Variants in CFAP44 observed in about 807,000 individuals in gnomAD.
The protein encoded by CFAP44 is cilia- and flagella-associated protein 44.
Under a neutral mutation model 216.2 loss-of-function variants are expected in CFAP44, and 134 were observed. The ratio of observed to expected loss-of-function variants is 0.62; its 90% CI spans 0.54 to 0.72. The LOEUF is 0.72. CFAP44 is among the 30% of genes least tolerant of loss of function. The pLI is 0.00. For synonymous variants in CFAP44, 700 were observed against 727.6 expected (o/e 0.96, Z 0.61); for missense variants, 2,035 against 2,182.1 (o/e 0.93, Z 1.34).
chr3:113,335,539 T>C (rs187903225), intron 24 of CFAP44, among the ~76,000 whole-genome samples: 173 of 152,286 alleles, frequency 1.1e-3, no homozygotes, highest in African/African-American at 3.9e-3. Context: ...CAAAGAACAA[T>C]TCCTAGGAAA....
chr3:113,439,264 C>T (rs990371950), intron 1 of CFAP44, among the ~76,000 whole-genome samples: 1 of 152,080 alleles, frequency 6.6e-6, no homozygotes. Flanking sequence ...AAGAAAGAAC[C>T]CTGACAAATA....
chr3:113,433,602 C>T lies in CFAP44; in HGVS notation c.63G>A (p.Gly21=), dbSNP rs1935164151. 9.3e-6 allele frequency: 15 copies of T among 1,613,086 alleles called. No homozygotes were observed. Among genetic ancestry groups the T allele is most frequent in the Non-Finnish European group, 1.3e-5 (15 of 1,179,858 alleles). ...GEKSVTSKSD[G]KKSLRSSKSE... ...ATTTAGAAGACCTCAGAGACTTCTTCCCATCACTCTTTGATGTAACTGATT... is the reference window on the plus strand; with the variant it reads ...ATTTAGAAGACCTCAGAGACTTCTTTCCATCACTCTTTGATGTAACTGATT... The change falls in exon 2 of 35, where the codon GGG becomes GGA. Residue 21 remains glycine, a synonymous_variant. Coordinates refer to ENST00000393845, the MANE Select transcript of CFAP44 (RefSeq NM_001164496.2).
chr3:113,331,661 T>G (rs542334706), intron 25 of CFAP44, among the ~76,000 whole-genome samples: 8 of 151,862 alleles, frequency 5.3e-5, no homozygotes, highest in Non-Finnish European at 1.2e-4. Context: ...GGACTGCAGA[T>G]TAGGCCACCA....
chr3:113,352,720 G>T (rs1950456756), intron 22 of CFAP44, among the ~76,000 whole-genome samples: 1 of 152,094 alleles, frequency 6.6e-6, no homozygotes, highest in South Asian at 2.1e-4. Context: ...AATCTAAACA[G>T]AGAATTCTCA....
chr3:113,327,925 T>C (rs1181321401), intron 26 of CFAP44, 106 bp from the exon 27 acceptor site: 2 of 974,264 alleles, frequency 2.1e-6, no homozygotes, highest in Non-Finnish European at 3.0e-6. Flanking sequence ...ATTATGCCCT[T>C]ATGGATGGAG....
Position 113,373,547 on chromosome 3 carries a change from CAT to C in CFAP44, c.2306_2307del (p.Tyr769Ter). 5 of 1,586,732 alleles carry C rather than the reference CAT, an allele frequency of 3.2e-6. No homozygotes were observed. Among genetic ancestry groups the C allele is most frequent in the Non-Finnish European group, 4.3e-6 (5 of 1,165,862 alleles). The stretch of plus-strand genomic sequence containing the variant: ...TCACAGTGATATAGAAAACCAGAAT[CAT>C]AGCCACCCTAGAAAAGAGATAAGTA... ...PGKFWVSLGG[Y>X]DSGFLYHCEF... On this transcript the variant is annotated frameshift_variant, in exon 18 of 35. Transcript: ENST00000393845. LOFTEE classifies it high-confidence loss of function.
At chr3:113,300,476 A>AATAT (rs35787993) in intron 32 of CFAP44, among the ~76,000 whole-genome samples, 1,618 of 148,164 alleles carry the variant, frequency 0.011, 10 homozygotes, top group Middle Eastern at 0.018. Context: ...ATATCTTATA[A>AATAT]ATATATATAT....
At chr3:113,399,652 G>A (rs1230508094) in intron 13 of CFAP44, among the ~76,000 whole-genome samples, 1 of 152,134 alleles carries the variant, frequency 6.6e-6, no homozygotes, top group Non-Finnish European at 1.5e-5. Flanking sequence ...ACAAAGTTCT[G>A]TTGGGAAATT....
intron 28 of CFAP44, among the ~76,000 whole-genome samples, chr3:113,311,404 T>C (rs1043818657): frequency 2.6e-5 from 4 of 152,196 alleles, no homozygotes; most frequent in South Asian, 2.1e-4. Context: ...GTTCTCATGG[T>C]AGTGAATAAG....
At chr3:113,435,748 A>AG (rs1935222397) in intron 1 of CFAP44, among the ~76,000 whole-genome samples, 1 of 150,796 alleles carries the variant, frequency 6.6e-6, no homozygotes, top group Admixed American at 6.6e-5. Context: ...AAAAAAAAAA[A>AG]AAGATATGGT....
rs1950191004 is a variant in CFAP44, at chr3:113,326,521, T to G, written c.4440A>C (p.Lys1480Asn). The G allele has an allele frequency of 6.5e-7, 1 of 1,532,560 alleles. No individual in the cohort carries two copies. Among genetic ancestry groups the G allele is most frequent in the South Asian group, 1.2e-5 (1 of 82,516 alleles). 94.9% of individuals were successfully genotyped at this position (1,532,560 alleles called of 1,614,324 possible). The change falls in exon 28 of 35, where the codon AAA becomes AAC. Residue 1480 changes from lysine (K) to asparagine (N), a missense_variant. Physicochemically the swap from Lys to Asn is moderately conservative, Grantham distance 94. Coordinates refer to ENST00000393845, the MANE Select transcript of CFAP44 (RefSeq NM_001164496.2). ...GFQAAIGENN[K>N]FANFLMKVLK... ...GGACCTTCATGAGGAAGTTTGCAAA[T>G]TTATTGTTTTCTCCAATGGCTGCTT...
intron 13 of CFAP44, among the ~76,000 whole-genome samples, chr3:113,396,950 A>T (rs112843658): frequency 4.7e-4 from 71 of 152,370 alleles, no homozygotes; most frequent in African/African-American, 1.6e-3. Context: ...ATGAACAAAC[A>T]GCAGAGTGTC....
At position 113,363,490 on chromosome 3, in the gene CFAP44, G is replaced by T. The variant is rs1278371811; in HGVS notation, c.2758C>A (p.Pro920Thr). 1.2e-6 allele frequency: 2 copies of T among 1,611,002 alleles called. No homozygotes were observed. The highest frequency in any genetic ancestry group is 1.7e-6 in the Non-Finnish European group (2 of 1,178,924). ...AAATTCCCATACCTGTAGGCTTTGGGATCTTCAATGTCTTCTGGAATTGGC... is the reference window on the plus strand; with the variant it reads ...AAATTCCCATACCTGTAGGCTTTGGTATCTTCAATGTCTTCTGGAATTGGC... ...TEPIPEDIED[P>T]KAYSIENARR... Residue 920 changes from proline to threonine, a missense_variant, in exon 20 of 35, where the codon CCC becomes ACC. This residue lies in a region of CFAP44 where 1,883 missense variants were observed against 2,023.7 expected (regional missense o/e 0.93). Transcript: ENST00000393845.
chr3:113,418,565 T>A (rs898030155), intron 5 of CFAP44, among the ~76,000 whole-genome samples: 1 of 152,154 alleles, frequency 6.6e-6, no homozygotes, highest in African/African-American at 2.4e-5. Context: ...AAAGATGAGG[T>A]AACACGGACA....
At chr3:113,411,259 T>C (rs1049059743) in intron 6 of CFAP44, among the ~76,000 whole-genome samples, 1 of 152,228 alleles carries the variant, frequency 6.6e-6, no homozygotes, top group Non-Finnish European at 1.5e-5. Flanking sequence ...GGTTCTCTTC[T>C]AGGGTTTTTA....
chr3:113,328,019 T>C (rs1296059917), intron 26 of CFAP44, among the ~76,000 whole-genome samples, 200 bp from the exon 27 acceptor site: 1 of 152,084 alleles, frequency 6.6e-6, no homozygotes, highest in Non-Finnish European at 1.5e-5. Context: ...GTGGTAGGAA[T>C]TGTGTAACTA....
At chr3:113,341,635 C>T in intron 24 of CFAP44, 109 bp downstream of exon 24, 2 of 1,204,460 alleles carry the variant, frequency 1.7e-6, no homozygotes, top group South Asian at 2.2e-5. Flanking sequence ...ATTGTTTTCA[C>T]TTTTGATTTT....
intron 14 of CFAP44, among the ~76,000 whole-genome samples, 172 bp from the exon 15 acceptor site, chr3:113,396,032 G>A (rs1463642): frequency 0.074 from 11,269 of 152,160 alleles, 479 homozygotes; most frequent in East Asian, 0.15. Flanking sequence ...CCCCATTAGA[G>A]CATTTGGAAA....
intron 1 of CFAP44, among the ~76,000 whole-genome samples, chr3:113,435,858 C>T (rs535892597): frequency 6.6e-4 from 98 of 147,874 alleles, no homozygotes; most frequent in African/African-American, 2.2e-3. Flanking sequence ...AGTGTATGTA[C>T]GTGTGTGTGT....
Sources: allele counts gnomAD v4.1 joint callset (sites outside exome capture counted in the v4.1 genomes callset), GRCh38; gene constraint gnomAD v4.1.1; regional missense constraint gnomAD v4.1.1; transcripts MANE v1.5; gene names NCBI Gene and HGNC (gene_info 2026-07-23, HGNC 2026-07-21).